The following SLC16A4 variants were observed in gnomAD, a reference collection of about 807,000 sequenced individuals.
The protein encoded by SLC16A4 is solute carrier family 16 member 4.
A neutral mutation model predicts 47.9 loss-of-function variants in SLC16A4; 39 were observed. The observed-to-expected ratio is 0.81, with a 90% CI of 0.63 to 1.06. SLC16A4 has a LOEUF of 1.06. SLC16A4 is among the 50% of genes least tolerant of loss of function. The pLI, the probability that SLC16A4 is intolerant of heterozygous loss-of-function variation, is 0.00. For synonymous variants in SLC16A4, 189 were observed against 199.9 expected, an observed-to-expected ratio of 0.95 and a Z score of 0.46; for missense variants, 524 against 573.8, an observed-to-expected ratio of 0.91 and a Z score of 0.89.
At chr1:110,364,398 A>T (rs12739493) in intron 8 of SLC16A4, among the ~76,000 whole-genome samples, 14,063 of 151,578 alleles carry the variant, frequency 0.093, 723 homozygotes, top group African/African-American at 0.14. Context: ...GATAAGTGCT[A>T]TGAAGGGAAG....
intron 8 of SLC16A4, chr1:110,372,698 TC>T (rs1406139126): frequency 6.6e-6 from 1 of 152,244 alleles, no homozygotes; most frequent in Non-Finnish European, 1.5e-5. Flanking sequence ...TAGGAGCACG[TC>T]CTGGACTAAA....
chr1:110,374,094 G>C (rs1016372893), intron 8 of SLC16A4, among the ~76,000 whole-genome samples: 2 of 150,490 alleles, frequency 1.3e-5, no homozygotes, highest in African/African-American at 4.9e-5. Flanking sequence ...GAGTGAAGTG[G>C]TGCAAAGTGA....
At chr1:110,378,275 T>C (rs1662127327) in intron 6 of SLC16A4, among the ~76,000 whole-genome samples, 1 of 152,234 alleles carries the variant, frequency 6.6e-6, no homozygotes, top group Admixed American at 6.5e-5. Context: ...CATTATTGAA[T>C]GCTTACTACA....
At chr1:110,374,181 T>C (rs1661849312) in intron 8 of SLC16A4, among the ~76,000 whole-genome samples, 1 of 151,972 alleles carries the variant, frequency 6.6e-6, no homozygotes, top group Non-Finnish European at 1.5e-5. Flanking sequence ...GCTGGGATTA[T>C]AGGCATCTGC....
intron 8 of SLC16A4, among the ~76,000 whole-genome samples, chr1:110,373,752 C>T (rs975004306): frequency 4.7e-5 from 7 of 149,468 alleles, no homozygotes; most frequent in African/African-American, 1.7e-4. Context: ...GATCAAGGCT[C>T]ACTGCACTCA....
intron 3 of SLC16A4, 121 bp from the exon 4 acceptor site, chr1:110,381,916 G>A (rs546259332): frequency 1.2e-5 from 11 of 925,410 alleles, no homozygotes; most frequent in South Asian, 6.5e-5. Flanking sequence ...GAAGTATTAC[G>A]TATTCTTCAA....
chr1:110,376,068 A>G (rs1661981010), intron 7 of SLC16A4, among the ~76,000 whole-genome samples: 1 of 151,784 alleles, frequency 6.6e-6, no homozygotes, highest in African/African-American at 2.4e-5. Context: ...GTAGAGACGG[A>G]GTTTCACCAT....
At chr1:110,373,962 C>T (rs1305288111) in intron 8 of SLC16A4, among the ~76,000 whole-genome samples, 1 of 140,182 alleles carries the variant, frequency 7.1e-6, no homozygotes, top group Non-Finnish European at 1.6e-5. Context: ...TAGGCGTGAG[C>T]TACTATGCCA....
rs777153019 is a variant in SLC16A4 at position 110,382,878 on chromosome 1, A to G, written c.176T>C (p.Ile59Thr). The change falls in exon 3 of 9, where the codon ATT (isoleucine) becomes ACT (threonine). Residue 59 changes from isoleucine (I) to threonine (T), a missense_variant. Transcript: ENST00000369779. ...TGACATGATGGATCCAATCCAACCA[A>G]TTTGCTCTGAGGTGCCTTCAAACTC... is the stretch of plus-strand genomic sequence containing the variant. ...QEEFEGTSEQIGWIGSIMSSL... is the reference protein window; with the variant it reads ...QEEFEGTSEQTGWIGSIMSSL... 6.2e-7 allele frequency: 1 copy of G among 1,612,294 alleles called. No homozygotes were observed. The highest frequency in any genetic ancestry group is 8.5e-7 in the Non-Finnish European group (1 of 1,178,896).
At chr1:110,372,412 C>A (rs996107623) in intron 8 of SLC16A4, 1 of 152,162 alleles carries the variant, frequency 6.6e-6, no homozygotes, top group African/African-American at 2.4e-5. Context: ...TTTAATGTTT[C>A]ATCACCAGTA....
chr1:110,385,117 C>T (rs2101067582), intron 2 of SLC16A4, among the ~76,000 whole-genome samples: 1 of 152,316 alleles, frequency 6.6e-6, no homozygotes. Flanking sequence ...TTGATATCTG[C>T]TCCCTGGACA....
At chr1:110,369,606 A>G (rs1661585075) in intron 8 of SLC16A4, among the ~76,000 whole-genome samples, 1 of 152,170 alleles carries the variant, frequency 6.6e-6, no homozygotes, top group African/African-American at 2.4e-5. Context: ...AAAACAAACA[A>G]AAAACTTAGA....
intron 8 of SLC16A4, chr1:110,371,970 A>G (rs1261863787): frequency 2.0e-5 from 3 of 152,130 alleles, no homozygotes; most frequent in African/African-American, 4.8e-5. Flanking sequence ...TCTTAAATTC[A>G]TGAAAGAAAT....
chr1:110,381,855 C>G (rs1662414831), intron 3 of SLC16A4, 60 bp from the exon 4 acceptor site: 2 of 1,446,400 alleles, frequency 1.4e-6, no homozygotes, highest in South Asian at 1.2e-5. Context: ...CCCTTATCCT[C>G]TGATGGCGAT....
intron 2 of SLC16A4, among the ~76,000 whole-genome samples, chr1:110,387,988 A>C (rs1175002543): frequency 6.6e-6 from 1 of 152,144 alleles, no homozygotes; most frequent in Non-Finnish European, 1.5e-5. Context: ...TATTTGTAGA[A>C]TTCTTAGATA....
Position 110,389,379 on chromosome 1 carries a change from A to C in SLC16A4, c.-32-24T>G, listed in dbSNP as rs965811558. On this transcript the variant is annotated intron_variant, in intron 1 of 8. Transcript: ENST00000369779. ...CCCTGTGATAAATCCAAGACAGTTG[A>C]TTCAGTGGACCAGAAACTAATCTAA... is the stretch of plus-strand genomic sequence containing the variant. 5.3e-6 allele frequency: 7 copies of C among 1,317,300 alleles called. No homozygotes were observed. The Admixed American group carries it at 1.2e-4, about 23-fold the overall frequency. 81.6% of individuals were successfully genotyped at this position (1,317,300 alleles called of 1,614,324 possible).
At chr1:110,381,627 G>A in intron 4 of SLC16A4, 25 bp downstream of exon 4, 14 of 1,597,336 alleles carry the variant, frequency 8.8e-6, no homozygotes, top group Non-Finnish European at 1.1e-5. Flanking sequence ...GGCCTTCTAT[G>A]GTCACATAAT....
intron 2 of SLC16A4, among the ~76,000 whole-genome samples, chr1:110,387,572 T>C (rs1405954736): frequency 6.6e-6 from 1 of 152,208 alleles, no homozygotes; most frequent in East Asian, 1.9e-4. Context: ...ACCCTAAAAG[T>C]GGGACAGTGT....
intron 8 of SLC16A4, among the ~76,000 whole-genome samples, chr1:110,373,423 G>A (rs61787377): frequency 2.1e-3 from 327 of 152,230 alleles, no homozygotes; most frequent in South Asian, 7.9e-3. Flanking sequence ...TAGCCATAGA[G>A]TAGTTGTGCA....
Sources: gnomAD v4.1 joint callset for allele counts (sites outside exome capture counted in the v4.1 genomes callset) on GRCh38, gnomAD v4.1.1 for gene constraint, MANE v1.5 for transcripts, NCBI Gene and HGNC (gene_info 2026-07-23, HGNC 2026-07-21) for gene names.